The following PPARGC1B variants were observed in gnomAD, a reference collection of about 807,000 sequenced individuals.
PPARGC1B encodes the protein peroxisome proliferator-activated receptor gamma coactivator 1-beta.
In PPARGC1B, 34 loss-of-function variants were observed where a neutral mutation model predicts 101.6. That is an observed-to-expected ratio of 0.33 (90% CI 0.25 to 0.45). The LOEUF (loss-of-function observed/expected upper bound fraction) is 0.45. PPARGC1B is among the 20% of genes least tolerant of loss of function. The pLI, the probability that PPARGC1B is intolerant of heterozygous loss-of-function variation, is 1.00. For missense variants in PPARGC1B, 1,234 were observed against 1,317.6 expected (o/e 0.94, Z 0.98); for synonymous variants, 548 against 539.3 (o/e 1.02, Z -0.22).
chr5:149,771,089 T>C (rs1001535131), intron 1 of PPARGC1B, among the ~76,000 whole-genome samples: 1 of 152,006 alleles, frequency 6.6e-6, no homozygotes, highest in African/African-American at 2.4e-5. Flanking sequence ...GGGTGGCTGG[T>C]TTGTTGAGAG....
At chr5:149,807,835 C>T (rs1757660197) in intron 1 of PPARGC1B, among the ~76,000 whole-genome samples, 1 of 152,108 alleles carries the variant, frequency 6.6e-6, no homozygotes, top group Non-Finnish European at 1.5e-5. Flanking sequence ...AATGGCGTGA[C>T]CCGAGACATG....
At chr5:149,841,950 G>A (rs1036816834) in intron 9 of PPARGC1B, among the ~76,000 whole-genome samples, 73 of 152,146 alleles carry the variant, frequency 4.8e-4, no homozygotes, top group African/African-American at 1.6e-3. Flanking sequence ...AAGTCCAAAA[G>A]CTACTGAATA....
At chr5:149,857,251 T>C (rs555117558), downstream of PPARGC1B, among the ~76,000 whole-genome samples, 7 of 152,346 alleles carry the variant, frequency 4.6e-5, no homozygotes, top group African/African-American at 1.7e-4. Flanking sequence ...TAGGACATGG[T>C]AAGTACTTAA....
chr5:149,769,906 G>A (rs940995947), intron 1 of PPARGC1B, among the ~76,000 whole-genome samples: 1 of 152,152 alleles, frequency 6.6e-6, no homozygotes, highest in Admixed American at 6.5e-5. Context: ...GCCCACCCAG[G>A]TCATCCGGGG....
intron 1 of PPARGC1B, among the ~76,000 whole-genome samples, chr5:149,790,862 T>C (rs1756991542): frequency 6.6e-6 from 1 of 152,094 alleles, no homozygotes. Context: ...TTGGTTAAAA[T>C]GTAGGTTCCT....
At chr5:149,737,325 T>C (rs1754755828) in intron 1 of PPARGC1B, among the ~76,000 whole-genome samples, 3 of 152,196 alleles carry the variant, frequency 2.0e-5, no homozygotes, top group African/African-American at 7.2e-5. Context: ...GTTGGAGAGT[T>C]AGGCCCTTGA....
intron 1 of PPARGC1B, among the ~76,000 whole-genome samples, chr5:149,749,068 G>A (rs1400237389): frequency 4.6e-5 from 7 of 152,110 alleles, no homozygotes; most frequent in African/African-American, 1.7e-4. Flanking sequence ...ACAAAGGCTG[G>A]GGTACAGCTT....
At chr5:149,773,273 C>G (rs1756215768) in intron 1 of PPARGC1B, among the ~76,000 whole-genome samples, 1 of 152,236 alleles carries the variant, frequency 6.6e-6, no homozygotes, top group Admixed American at 6.5e-5. Flanking sequence ...CAAACAGCCT[C>G]CAGAGGAAAC....
intron 1 of PPARGC1B, among the ~76,000 whole-genome samples, chr5:149,778,968 G>A (rs1001589304): frequency 3.3e-5 from 5 of 152,098 alleles, no homozygotes; most frequent in African/African-American, 7.2e-5. Flanking sequence ...AGGGAGTTTC[G>A]TCACAGACCA....
intron 1 of PPARGC1B, among the ~76,000 whole-genome samples, chr5:149,816,394 G>A (rs1561577988): frequency 6.6e-6 from 1 of 152,188 alleles, no homozygotes; most frequent in Non-Finnish European, 1.5e-5. Flanking sequence ...ATCCTCTTTG[G>A]GTCTCAGTTT....
chr5:149,826,608 G>A (rs1270485411), intron 2 of PPARGC1B, 65 bp from the exon 3 acceptor site: 3 of 1,285,550 alleles, frequency 2.3e-6, no homozygotes, highest in Non-Finnish European at 3.4e-6. Flanking sequence ...TGGAGACTGA[G>A]TCTAAGGTGG....
At chr5:149,788,701 A>T (rs1317842008) in intron 1 of PPARGC1B, among the ~76,000 whole-genome samples, 1 of 152,234 alleles carries the variant, frequency 6.6e-6, no homozygotes, top group Non-Finnish European at 1.5e-5. Context: ...AATAGACTGG[A>T]TTAAGAAAAT....
rs573921854 is a variant in PPARGC1B at position 149,816,361 on chromosome 5, G to A, written c.79-4072G>A. On this transcript the variant is annotated intron_variant, in intron 1 of 11. Coordinates refer to ENST00000309241, the MANE Select transcript of PPARGC1B (RefSeq NM_133263.4). ...TGGTTTCGAGGGAAGGACACTCACC[G>A]GATGACCCCGAACAAATCCATTATC... Among the ~76,000 whole-genome samples, 30 of 152,326 alleles carry A rather than the reference G, an allele frequency of 2.0e-4. No individual in the cohort carries two copies. The South Asian group carries it at 5.0e-3, about 25-fold the overall frequency.
chr5:149,812,118 A>T (rs114574891), intron 1 of PPARGC1B, among the ~76,000 whole-genome samples: 2,014 of 152,314 alleles, frequency 0.013, 50 homozygotes, highest in African/African-American at 0.046. Flanking sequence ...CTGAACCCGG[A>T]TGCTTCCGCA....
At chr5:149,771,325 A>G (rs751765340) in intron 1 of PPARGC1B, among the ~76,000 whole-genome samples, 18 of 152,228 alleles carry the variant, frequency 1.2e-4, no homozygotes, top group Non-Finnish European at 2.4e-4. Context: ...AAGCAGGCTC[A>G]GGGCCATTTA....
chr5:149,831,136 A>T (rs1758767432), intron 4 of PPARGC1B, among the ~76,000 whole-genome samples: 1 of 152,210 alleles, frequency 6.6e-6, no homozygotes, highest in African/African-American at 2.4e-5. Flanking sequence ...TAGAGCAAGG[A>T]TGAGGAAAGT....
At chr5:149,745,443 T>A (rs1755052669) in intron 1 of PPARGC1B, among the ~76,000 whole-genome samples, 1 of 152,118 alleles carries the variant, frequency 6.6e-6, no homozygotes, top group Non-Finnish European at 1.5e-5. Flanking sequence ...GCCCTTAAGC[T>A]TCTCTGTCTT....
chr5:149,751,205 C>G (rs1343962941), intron 1 of PPARGC1B, among the ~76,000 whole-genome samples: 1 of 152,144 alleles, frequency 6.6e-6, no homozygotes, highest in African/African-American at 2.4e-5. Context: ...AGGTTATCCC[C>G]ACCCTGCCAC....
chr5:149,748,284 A>AAGAGATATAGATATAGATATAGAT (rs1561850456), intron 1 of PPARGC1B, among the ~76,000 whole-genome samples: 2 of 132,800 alleles, frequency 1.5e-5, no homozygotes, highest in Admixed American at 7.8e-5. Context: ...AAATGGGGTG[A>AAGAGATATAGATATAGATATAGAT]AGAGATATAG....
Sources: allele counts gnomAD v4.1 joint callset (sites outside exome capture counted in the v4.1 genomes callset), GRCh38; gene constraint gnomAD v4.1.1; transcripts MANE v1.5; gene names NCBI Gene and HGNC (gene_info 2026-07-23, HGNC 2026-07-21).